The following KLHL32 variants were observed in gnomAD, a reference collection of about 807,000 sequenced individuals.
KLHL32 encodes the protein kelch like family member 32, also known as kelch-like protein 32.
In KLHL32, 35 loss-of-function variants were observed where a neutral mutation model predicts 64.8. That is an observed-to-expected ratio of 0.54 (90% confidence interval 0.41 to 0.72). KLHL32 has a LOEUF of 0.72. KLHL32 is among the 30% of genes least tolerant of loss of function. The pLI, the probability that KLHL32 is intolerant of heterozygous loss-of-function variation, is 0.00. For missense variants in KLHL32, 589 were observed against 768.5 expected, an observed-to-expected ratio of 0.77 and a Z score of 2.76; for synonymous variants, 259 against 281.0, an observed-to-expected ratio of 0.92 and a Z score of 0.78.
intron 3 of KLHL32, among the ~76,000 whole-genome samples, chr6:96,985,143 C>T (rs1776854083): frequency 6.6e-6 from 1 of 152,136 alleles, no homozygotes; most frequent in Non-Finnish European, 1.5e-5. Context: ...CTTAGTTTGG[C>T]TGGATATGAA....
chr6:97,072,365 A>AT (rs1276885527), intron 5 of KLHL32, among the ~76,000 whole-genome samples: 1 of 152,140 alleles, frequency 6.6e-6, no homozygotes, highest in African/African-American at 2.4e-5. Context: ...TGTTTGATAG[A>AT]TTTTGAAAAG....
At chr6:97,040,680 C>A (rs1175328104) in intron 3 of KLHL32, among the ~76,000 whole-genome samples, 1 of 152,076 alleles carries the variant, frequency 6.6e-6, no homozygotes. Context: ...GTATCCCCAC[C>A]CGAATCTCAT....
the KLHL32 span, among the ~76,000 whole-genome samples, chr6:96,912,759 G>A: frequency 6.6e-6 from 1 of 152,068 alleles, no homozygotes; most frequent in Non-Finnish European, 1.5e-5. Context: ...ACTTTATCCA[G>A]GACTCCTTGC....
rs558095986 is a variant in KLHL32, at chr6:97,064,570, G to A, written c.313-58G>A. ...ATACTATGGTATATCTACATATTAA[G>A]CAGCATTATATTTTTAAGTGTAACT... On this transcript the variant is annotated intron_variant, in intron 4 of 10. Coordinates refer to ENST00000369261, the MANE Select transcript of KLHL32 (RefSeq NM_052904.4). The A allele has an allele frequency of 1.1e-5, 13 of 1,198,374 alleles. No homozygotes were observed. In the East Asian group the frequency reaches 2.9e-4, roughly 27 times the overall value. 74.2% of individuals were successfully genotyped at this position (1,198,374 alleles called of 1,614,324 possible). A position where few individuals can be genotyped will look rare whatever the true frequency, so the allele number is the denominator to read the frequency against.
the KLHL32 span, among the ~76,000 whole-genome samples, chr6:96,905,185 A>T: frequency 2.6e-5 from 4 of 152,216 alleles, no homozygotes; most frequent in Non-Finnish European, 5.9e-5. Flanking sequence ...CACAGGGAAA[A>T]AAAAGTGAAA....
intron 7 of KLHL32, among the ~76,000 whole-genome samples, chr6:97,119,291 ACTT>A (rs1346426848): frequency 1.3e-5 from 2 of 152,076 alleles, no homozygotes; most frequent in Non-Finnish European, 2.9e-5. Context: ...ACTGGCTGGA[ACTT>A]CTTCACTTTC....
At chr6:96,908,219 CA>C in the KLHL32 span, among the ~76,000 whole-genome samples, 12 of 152,274 alleles carry the variant, frequency 7.9e-5, no homozygotes, top group East Asian at 2.3e-3. Flanking sequence ...GAGGAAATTT[CA>C]AGATAAGTCA....
intron 1 of KLHL32, among the ~76,000 whole-genome samples, chr6:96,942,864 C>A (rs538899852): frequency 1.3e-5 from 2 of 152,146 alleles, no homozygotes; most frequent in Admixed American, 6.5e-5. Context: ...TCACTCCTTA[C>A]GGCAGAATGG....
chr6:97,087,702 C>T (rs188043425), intron 6 of KLHL32, among the ~76,000 whole-genome samples: 65 of 152,316 alleles, frequency 4.3e-4, no homozygotes, highest in East Asian at 3.7e-3. Context: ...CACACACACA[C>T]TTACGCAGGT....
chr6:97,014,511 T>G (rs1359515480), intron 3 of KLHL32, among the ~76,000 whole-genome samples: 1 of 152,150 alleles, frequency 6.6e-6, no homozygotes, highest in African/African-American at 2.4e-5. Context: ...ACTACAATAG[T>G]GAAACAGTAC....
intron 5 of KLHL32, among the ~76,000 whole-genome samples, chr6:97,066,369 G>A (rs1290768311): frequency 1.1e-4 from 16 of 152,176 alleles, no homozygotes; most frequent in Non-Finnish European, 5.9e-5. Context: ...AACATTAAAG[G>A]TCCATGGGTA....
In KLHL32 at chr6:97,130,766, A is replaced by G. The variant is rs1413273820; in HGVS notation, c.1423A>G (p.Ile475Val). The G allele has an allele frequency of 3.7e-6, 6 of 1,606,728 alleles. No individual in the cohort carries two copies. The highest frequency in any genetic ancestry group is 4.2e-6 in the Non-Finnish European group (5 of 1,177,422). The part of the protein sequence containing the change: ...MVYEPNQNKW[I>V]SRSPMLQRRV... ...AAATTTCTTTTTTCAGAATAAGTGG[A>G]TAAGCCGTAGCCCCATGCTGCAGAG... Residue 475 changes from isoleucine (I) to valine (V), a missense_variant, in exon 9 of 11, where the codon ATA becomes GTA. By Grantham distance (29) the Ile-to-Val change is conservative. Transcript: ENST00000369261.
intron 6 of KLHL32, among the ~76,000 whole-genome samples, chr6:97,090,453 A>G (rs937468330): frequency 3.9e-5 from 6 of 152,188 alleles, no homozygotes; most frequent in African/African-American, 1.4e-4. Context: ...TATGTATACC[A>G]CAGAATCAGC....
chr6:97,053,124 C>T lies in KLHL32; in HGVS notation c.313-11504C>T, dbSNP rs991747534. 2.0e-5 allele frequency among the ~76,000 whole-genome samples: 3 copies of T among 151,744 alleles called. No individual in the cohort carries two copies. The East Asian group carries it at 5.8e-4, about 29-fold the overall frequency. On this transcript the variant is annotated intron_variant, in intron 4 of 10. Transcript: ENST00000369261. ...CACACGCACACACATTCTCTCCTGA[C>T]CTCATATTGTTTCCTCTTTTCTCTT...
intron 9 of KLHL32, among the ~76,000 whole-genome samples, chr6:97,131,427 G>A (rs1424606357): frequency 1.3e-5 from 2 of 152,096 alleles, no homozygotes; most frequent in African/African-American, 4.8e-5. Context: ...ACCCTTAAGT[G>A]GTTCTGTACA....
intron 3 of KLHL32, among the ~76,000 whole-genome samples, chr6:96,990,818 C>A (rs1777770925): frequency 6.6e-6 from 1 of 152,118 alleles, no homozygotes; most frequent in South Asian, 2.1e-4. Context: ...GTGAGCTAGA[C>A]TGGCCTCTTC....
intron 3 of KLHL32, among the ~76,000 whole-genome samples, chr6:96,979,712 T>C (rs1258699987): frequency 6.6e-6 from 1 of 152,228 alleles, no homozygotes; most frequent in African/African-American, 2.4e-5. Flanking sequence ...CATTGGTAGT[T>C]TGATAGGAAT....
intron 6 of KLHL32, among the ~76,000 whole-genome samples, chr6:97,099,693 C>T (rs528012305): frequency 1.3e-5 from 2 of 152,190 alleles, no homozygotes; most frequent in Non-Finnish European, 2.9e-5. Context: ...CTCTGGGCCA[C>T]TTCTCCCACC....
intron 5 of KLHL32, among the ~76,000 whole-genome samples, chr6:97,074,907 C>CA (rs1791358420): frequency 6.6e-6 from 1 of 151,626 alleles, no homozygotes; most frequent in Admixed American, 6.6e-5. Context: ...ATTCCATATT[C>CA]ATTGGCAATC....
Sources: allele counts gnomAD v4.1 joint callset (sites outside exome capture counted in the v4.1 genomes callset), GRCh38; gene constraint gnomAD v4.1.1; transcripts MANE v1.5; gene names NCBI Gene and HGNC (gene_info 2026-07-23, HGNC 2026-07-21).